TBC1D8B: variants seen among roughly 807,000 people sequenced by gnomAD.
TBC1D8B encodes TBC1 domain family member 8B, also known as RP11-321G1.1.
Under a neutral mutation model 82.9 loss-of-function variants are expected in TBC1D8B, and 75 were observed. The ratio of observed to expected loss-of-function variants is 0.90; its 90% CI spans 0.75 to 1.10. The LOEUF (loss-of-function observed/expected upper bound fraction) is 1.10. Among genes scored for constraint, TBC1D8B ranks in the 50% least tolerant of loss-of-function variants. The probability of loss-of-function intolerance (pLI) is 0.00; values close to 1 mark genes in which losing one functional copy is unlikely to be tolerated. For synonymous variants in TBC1D8B, 276 were observed against 276.8 expected (o/e 1.00, Z 0.03); for missense variants, 794 against 796.9 (o/e 1.00, Z 0.04).
chrX:106,851,111 C>T (rs371775462), intron 12 of TBC1D8B, among the ~76,000 whole-genome samples: 4 of 112,086 alleles, frequency 3.6e-5, no homozygotes, highest in Non-Finnish European at 7.5e-5. Context: ...ACTTCTTGAC[C>T]GGGTGCGGTG....
At position 106,809,489 on chromosome X, in the gene TBC1D8B, A is replaced by T. The variant is rs1434122168; in HGVS notation, c.130+6506A>T. ...AAATATTTGGGAACAGAGTGAATAC[A>T]TATAATTTTTTCTAGAAGTTTTTTC... On this transcript the variant is annotated intron_variant, in intron 1 of 20. Transcript: ENST00000357242. Among the ~76,000 whole-genome samples, 3 of 109,442 alleles carry T rather than the reference A, an allele frequency of 2.7e-5. No homozygotes were observed. The East Asian group carries it at 8.5e-4, about 31-fold the overall frequency.
At chrX:106,836,586 T>C (rs1313276311) in intron 7 of TBC1D8B, among the ~76,000 whole-genome samples, 2 of 110,470 alleles carry the variant, frequency 1.8e-5, no homozygotes, top group East Asian at 2.8e-4. Context: ...TTTTCTTCTT[T>C]TTTTTTTTTA....
At position 106,825,978 on chromosome X, in the gene TBC1D8B, A is replaced by T. The variant is rs1250844969; in HGVS notation, c.828-52A>T. 3 of 1,095,290 alleles carry T rather than the reference A, an allele frequency of 2.7e-6. No homozygotes were observed. In the African/African-American group the frequency reaches 5.5e-5, roughly 20 times the overall value. The allele number at this position is 1,095,290 out of a possible 1,213,427, so 90.3% of individuals were successfully genotyped here. On this transcript the variant is annotated intron_variant, in intron 5 of 20. Coordinates refer to ENST00000357242, the MANE Select transcript of TBC1D8B (RefSeq NM_017752.3). Reference sequence around the variant, plus strand: ...AATATAGGCATATGTATACCTTAGAATTCATTTCTAAAAATTCATTTGTGC... The same window carrying T: ...AATATAGGCATATGTATACCTTAGATTTCATTTCTAAAAATTCATTTGTGC...
intron 1 of TBC1D8B, among the ~76,000 whole-genome samples, chrX:106,812,655 G>C (rs1390864861): frequency 9.1e-6 from 1 of 110,387 alleles, no homozygotes; most frequent in East Asian, 2.8e-4. Context: ...CTGTTTTACT[G>C]GTCTTTCCTC....
chrX:106,814,702 C>T (rs770012903), intron 1 of TBC1D8B: 5 of 110,784 alleles, frequency 4.5e-5, no homozygotes, highest in South Asian at 3.9e-4. Context: ...TCCTCTCCAG[C>T]ACCTGTTGTT....
At chrX:106,827,463 T>C in intron 7 of TBC1D8B, 126 bp downstream of exon 7, 1 of 714,028 alleles carries the variant, frequency 1.4e-6, no homozygotes, top group Non-Finnish European at 2.0e-6. Context: ...AAAGATAGAA[T>C]CTAAGAAATT....
intron 7 of TBC1D8B, chrX:106,830,097 AG>A (rs1327356832): frequency 1.8e-5 from 2 of 112,156 alleles, no homozygotes; most frequent in Non-Finnish European, 1.9e-5. Context: ...CAAATTTATA[AG>A]AAAAAAACAA....
chrX:106,845,385 G>T (rs912340130), intron 10 of TBC1D8B, among the ~76,000 whole-genome samples: 8 of 107,324 alleles, frequency 7.5e-5, no homozygotes, highest in African/African-American at 2.7e-4. Context: ...TGCCATGCTG[G>T]TGTGCTGCAC....
chrX:106,854,347 T>C, intron 14 of TBC1D8B, 51 bp downstream of exon 14: 1 of 823,168 alleles, frequency 1.2e-6, no homozygotes, highest in Non-Finnish European at 1.7e-6. Flanking sequence ...TTTTTTTTTC[T>C]ATAACTTTCT....
intron 4 of TBC1D8B, among the ~76,000 whole-genome samples, 164 bp from the exon 5 acceptor site, chrX:106,823,062 C>T (rs1395368249): frequency 9.0e-6 from 1 of 111,483 alleles, no homozygotes; most frequent in Non-Finnish European, 1.9e-5. Flanking sequence ...AATTCTTGCA[C>T]GTTCATGTTG....
Position 106,873,638 on chromosome X carries a change from A to G in TBC1D8B, c.3036A>G (p.Leu1012=). ...ATGAGGACCCTGAAGAAGAATCATT[A>G]TATCAAGCCATTGCTGTTGTAACCA... ...LFHEDPEEES[L]YQAIAVVTSL... is the part of the protein sequence containing the mutation. The change falls in exon 21 of 21, where the codon TTA becomes TTG. Residue 1012 remains leucine (L), a synonymous_variant. Coordinates refer to ENST00000357242, the MANE Select transcript of TBC1D8B (RefSeq NM_017752.3). 7.4e-6 allele frequency: 9 copies of G among 1,210,532 alleles called. No homozygotes were observed. Among genetic ancestry groups the G allele is most frequent in the Non-Finnish European group, 8.9e-6 (8 of 894,729 alleles).
chrX:106,832,064 G>A (rs1375566780), intron 7 of TBC1D8B, among the ~76,000 whole-genome samples: 5 of 111,191 alleles, frequency 4.5e-5, no homozygotes, highest in Middle Eastern at 1.0e-2. Context: ...TTACTAAAAC[G>A]AAGAGAAAAA....
At chrX:106,855,524 A>G (rs1374087498) in intron 14 of TBC1D8B, among the ~76,000 whole-genome samples, 1 of 112,073 alleles carries the variant, frequency 8.9e-6, no homozygotes, top group Non-Finnish European at 1.9e-5. Context: ...TCATTCAGAA[A>G]TAGATCATGG....
intron 17 of TBC1D8B, 111 bp downstream of exon 17, chrX:106,866,973 C>A (rs1416561757): frequency 4.0e-6 from 2 of 498,065 alleles, no homozygotes; most frequent in Non-Finnish European, 6.4e-6. Flanking sequence ...GATATAAGAT[C>A]GTTGCTTCAC....
At chrX:106,838,239 G>A (rs147719673) in intron 7 of TBC1D8B, among the ~76,000 whole-genome samples, 87 of 110,624 alleles carry the variant, frequency 7.9e-4, no homozygotes, top group Middle Eastern at 4.6e-3. Context: ...TCCAACAAGT[G>A]GGCCCCCTCA....
At chrX:106,818,153 T>C (rs1602408925) in intron 1 of TBC1D8B, among the ~76,000 whole-genome samples, 1 of 111,400 alleles carries the variant, frequency 9.0e-6, no homozygotes, top group African/African-American at 3.2e-5. Context: ...TCGGGTGTTT[T>C]ACTGTGTGCT....
chrX:106,807,868 C>G (rs937531042), intron 1 of TBC1D8B, among the ~76,000 whole-genome samples: 1 of 111,172 alleles, frequency 9.0e-6, no homozygotes, highest in Non-Finnish European at 1.9e-5. Context: ...CCCTGGCCAA[C>G]ACGTTGAAAC....
Position 106,802,841 on chromosome X carries a change from CA to C in TBC1D8B, c.-12del. On this transcript the variant is annotated 5_prime_UTR_variant, in exon 1 of 21. Coordinates refer to ENST00000357242, the MANE Select transcript of TBC1D8B (RefSeq NM_017752.3). ...CATCTAGGTCACTGCTCCCGGGGGGCACAAAGTTCGCGATGTGGCTGAAGCC... is the reference window on the plus strand; with the variant it reads ...CATCTAGGTCACTGCTCCCGGGGGGCCAAAGTTCGCGATGTGGCTGAAGCC... 1 of 1,210,043 alleles carries C rather than the reference CA, an allele frequency of 8.3e-7. No individual in the cohort carries two copies. The highest frequency in any genetic ancestry group is 1.1e-6 in the Non-Finnish European group (1 of 894,675).
chrX:106,807,106 T>TA (rs1279878930), intron 1 of TBC1D8B, among the ~76,000 whole-genome samples: 2 of 110,837 alleles, frequency 1.8e-5, no homozygotes, highest in African/African-American at 6.6e-5. Context: ...ACATATCTGA[T>TA]AAAAAAATTT....
Sources: gnomAD v4.1 joint callset for allele counts (sites outside exome capture counted in the v4.1 genomes callset) on GRCh38, gnomAD v4.1.1 for gene constraint, MANE v1.5 for transcripts, NCBI Gene and HGNC (gene_info 2026-07-23, HGNC 2026-07-21) for gene names.